TTC28: variants seen among roughly 807,000 people sequenced by gnomAD.
TTC28 encodes tetratricopeptide repeat protein 28.
Under a neutral mutation model 198.0 loss-of-function variants are expected in TTC28, and 61 were observed. The observed-to-expected ratio is 0.31, with a 90% CI of 0.25 to 0.38. The LOEUF is 0.38. Among genes scored for constraint, TTC28 ranks in the 10% least tolerant of loss-of-function variants. TTC28 has a pLI of 1.00. For missense variants in TTC28, 2,678 were observed against 3,164.0 expected, an observed-to-expected ratio of 0.85 and a Z score of 3.69; for synonymous variants, 1,171 against 1,297.8, an observed-to-expected ratio of 0.90 and a Z score of 2.10.
At chr22:28,160,866 A>C (rs1420132165) in intron 6 of TTC28, among the ~76,000 whole-genome samples, 1 of 152,226 alleles carries the variant, frequency 6.6e-6, no homozygotes, top group Admixed American at 6.5e-5. Flanking sequence ...GGAGCATCAA[A>C]AGCCAATGCA....
At chr22:28,108,428 A>G in intron 6 of TTC28, 25 bp from the exon 7 acceptor site, 1 of 1,416,274 alleles carries the variant, frequency 7.1e-7, no homozygotes, top group African/African-American at 1.4e-5. Flanking sequence ...AAAAGAACAG[A>G]CTAAGACTGA....
intron 6 of TTC28, among the ~76,000 whole-genome samples, chr22:28,143,968 A>G (rs1249835412): frequency 6.6e-6 from 1 of 152,194 alleles, no homozygotes; most frequent in Non-Finnish European, 1.5e-5. Flanking sequence ...CCTCGACATT[A>G]TTCAGAGAAG....
At chr22:28,587,151 G>A (rs2050333548) in intron 2 of TTC28, among the ~76,000 whole-genome samples, 1 of 152,160 alleles carries the variant, frequency 6.6e-6, no homozygotes, top group African/African-American at 2.4e-5. Context: ...GAAGCCGGGA[G>A]TTCGAGACCA....
intron 2 of TTC28, among the ~76,000 whole-genome samples, chr22:28,398,548 G>A (rs1397217001): frequency 6.6e-6 from 1 of 152,164 alleles, no homozygotes; most frequent in Non-Finnish European, 1.5e-5. Flanking sequence ...GGTGACTCCA[G>A]CATGTAAGGC....
intron 2 of TTC28, among the ~76,000 whole-genome samples, chr22:28,371,891 AAAAATTTTTTTAATG>A: frequency 6.6e-6 from 1 of 151,108 alleles, no homozygotes; most frequent in Admixed American, 6.6e-5. Flanking sequence ...CAAAAAAAAA[AAAAATTTTTTTAATG>A]AATTTTTTTT....
At chr22:28,024,006 T>C (rs1021936559) in intron 13 of TTC28, among the ~76,000 whole-genome samples, 1 of 152,126 alleles carries the variant, frequency 6.6e-6, no homozygotes, top group African/African-American at 2.4e-5. Context: ...TCATCTTTGT[T>C]ATTGTTGTTA....
At chr22:28,292,347 C>G (rs1315159551) in intron 5 of TTC28, among the ~76,000 whole-genome samples, 1 of 152,028 alleles carries the variant, frequency 6.6e-6, no homozygotes, top group Non-Finnish European at 1.5e-5. Context: ...GTCACCACAC[C>G]CAACTAATTT....
At chr22:28,170,616 T>C (rs1340884370) in intron 5 of TTC28, among the ~76,000 whole-genome samples, 1 of 152,226 alleles carries the variant, frequency 6.6e-6, no homozygotes, top group African/African-American at 2.4e-5. Flanking sequence ...TCTTGTCTTC[T>C]TCCACGGTAA....
intron 5 of TTC28, among the ~76,000 whole-genome samples, chr22:28,237,667 GA>G (rs1417552113): frequency 1.3e-5 from 2 of 152,124 alleles, no homozygotes; most frequent in African/African-American, 2.4e-5. Flanking sequence ...ATGAAAAAAT[GA>G]GGGATATCAC....
At chr22:28,487,638 C>T (rs1468107285) in intron 2 of TTC28, among the ~76,000 whole-genome samples, 2 of 152,108 alleles carry the variant, frequency 1.3e-5, no homozygotes, top group Non-Finnish European at 2.9e-5. Flanking sequence ...GGATATATAA[C>T]TGACATAATT....
At chr22:28,157,858 G>C (rs915413329) in intron 6 of TTC28, among the ~76,000 whole-genome samples, 1 of 152,070 alleles carries the variant, frequency 6.6e-6, no homozygotes, top group Non-Finnish European at 1.5e-5. Flanking sequence ...TCTGGAACAC[G>C]ACAAGGATGC....
In TTC28 at chr22:28,602,048, G is replaced by C. The variant is rs1294045606; in HGVS notation, c.381+27504C>G. ...GATGGACTGGATGCTAGGATCAAGA[G>C]AGTCAGGCAAGCAGTCCAGACTAGC... is the stretch of plus-strand genomic sequence containing the variant. On this transcript the variant is annotated intron_variant, in intron 2 of 22. Coordinates refer to ENST00000397906, the MANE Select transcript of TTC28 (RefSeq NM_001145418.2). Among the ~76,000 whole-genome samples, 4 of 152,186 alleles carry C rather than the reference G, an allele frequency of 2.6e-5. No individual in the cohort carries two copies. In the East Asian group the frequency reaches 5.8e-4, roughly 22 times the overall value.
rs1311755503 is a variant in TTC28 at position 27,978,374 on chromosome 22, AG to A, written c.*3846del. 1.3e-5 allele frequency: 2 copies of A among 152,224 alleles called. No homozygotes were observed. The highest frequency in any genetic ancestry group is 2.9e-5 in the Non-Finnish European group (2 of 68,058). The allele number at this position is 152,224 out of a possible 1,614,324, so 9.4% of individuals were successfully genotyped here. ...GCAGAATAGGTGATGAAAATTATAC[AG>A]TTTTCACTTGTTGCCTACTTACTGA... On this transcript the variant is annotated 3_prime_UTR_variant, in exon 23 of 23. Transcript: ENST00000397906.
At chr22:28,542,736 T>A (rs2145936019) in intron 2 of TTC28, among the ~76,000 whole-genome samples, 1 of 152,240 alleles carries the variant, frequency 6.6e-6, no homozygotes, top group Middle Eastern at 3.4e-3. Context: ...TTGAAGTAGT[T>A]GAAAATGAAA....
At chr22:28,438,865 G>A (rs2047566211) in intron 2 of TTC28, among the ~76,000 whole-genome samples, 1 of 152,168 alleles carries the variant, frequency 6.6e-6, no homozygotes, top group Non-Finnish European at 1.5e-5. Context: ...CATGACACTG[G>A]ATGGGGTACC....
At chr22:28,669,879 A>G (rs2051850783) in intron 1 of TTC28, among the ~76,000 whole-genome samples, 1 of 152,166 alleles carries the variant, frequency 6.6e-6, no homozygotes, top group Non-Finnish European at 1.5e-5. Context: ...AAAAAATGTT[A>G]TTATTAAACT....
At chr22:28,357,109 A>C (rs1011345538) in intron 2 of TTC28, among the ~76,000 whole-genome samples, 23 of 152,124 alleles carry the variant, frequency 1.5e-4, no homozygotes, top group African/African-American at 5.6e-4. Flanking sequence ...AGATTAAAAA[A>C]CTGACTCAGA....
intron 10 of TTC28, among the ~76,000 whole-genome samples, chr22:28,098,122 AAAG>A (rs1172385959): frequency 6.6e-6 from 1 of 152,208 alleles, no homozygotes; most frequent in African/African-American, 2.4e-5. Flanking sequence ...GGCCCGGGTG[AAAG>A]AAGATGCATG....
chr22:28,477,372 A>G (rs76117059), intron 2 of TTC28, among the ~76,000 whole-genome samples: 1,527 of 152,326 alleles, frequency 0.01, 27 homozygotes, highest in African/African-American at 0.035. Context: ...CCCATGATCC[A>G]TAAGACATTG....
Sources: allele counts gnomAD v4.1 joint callset (sites outside exome capture counted in the v4.1 genomes callset), GRCh38; gene constraint gnomAD v4.1.1; transcripts MANE v1.5; gene names NCBI Gene and HGNC (gene_info 2026-07-23, HGNC 2026-07-21).